Variants in SLC25A26 observed in about 807,000 individuals in gnomAD.
SLC25A26 encodes solute carrier family 25 member 26.
In SLC25A26, 36 loss-of-function variants were observed where a neutral mutation model predicts 37.8. The observed-to-expected ratio is 0.95, with a 90% confidence interval of 0.73 to 1.26. SLC25A26 has a LOEUF of 1.26. Ranked by LOEUF, SLC25A26 falls within the 50% of genes most tolerant of loss-of-function variation. The pLI is 0.00. For synonymous variants in SLC25A26, 129 were observed against 122.5 expected, an observed-to-expected ratio of 1.05 and a Z score of -0.35; for missense variants, 390 against 331.1, an observed-to-expected ratio of 1.18 and a Z score of -1.38.
At chr3:66,317,822 C>T (rs1446146659) in intron 5 of SLC25A26, among the ~76,000 whole-genome samples, 2 of 152,144 alleles carry the variant, frequency 1.3e-5, no homozygotes, top group East Asian at 1.9e-4. Flanking sequence ...GCTGAAATTC[C>T]CACAGGGAGG....
intron 6 of SLC25A26, among the ~76,000 whole-genome samples, chr3:66,357,849 A>T (rs942867222): frequency 2.0e-5 from 3 of 152,200 alleles, no homozygotes; most frequent in Admixed American, 2.0e-4. Context: ...ACAGACTGCT[A>T]TTTGCAGGAC....
At chr3:66,260,494 A>G (rs1012161732) in intron 3 of SLC25A26, among the ~76,000 whole-genome samples, 15 of 152,228 alleles carry the variant, frequency 9.9e-5, no homozygotes, top group Admixed American at 3.9e-4. Flanking sequence ...AAATAACTTC[A>G]GGTTATGAAT....
chr3:66,282,022 T>TTTTTA (rs2074360399), intron 5 of SLC25A26, among the ~76,000 whole-genome samples: 2 of 127,244 alleles, frequency 1.6e-5, no homozygotes, highest in Admixed American at 7.7e-5. Context: ...TTTTTTTTTT[T>TTTTTA]GAGACGGAGT....
intron 5 of SLC25A26, among the ~76,000 whole-genome samples, chr3:66,312,933 C>G (rs573374005): frequency 6.6e-6 from 1 of 152,122 alleles, no homozygotes; most frequent in South Asian, 2.1e-4. Flanking sequence ...CATATCGGAG[C>G]TGTTCCTATT....
chr3:66,260,811 G>A (rs1348501346), intron 3 of SLC25A26, among the ~76,000 whole-genome samples: 1 of 152,180 alleles, frequency 6.6e-6, no homozygotes, highest in Non-Finnish European at 1.5e-5. Flanking sequence ...AGATGCTTTT[G>A]TGCTAAAACA....
intron 3 of SLC25A26, among the ~76,000 whole-genome samples, chr3:66,243,969 G>A (rs922243798): frequency 2.6e-5 from 4 of 152,100 alleles, no homozygotes. Flanking sequence ...AGAAATAAAT[G>A]TGACTTCCAG....
chr3:66,308,611 C>T (rs140230278), intron 5 of SLC25A26, among the ~76,000 whole-genome samples: 19 of 152,300 alleles, frequency 1.2e-4, no homozygotes, highest in African/African-American at 4.3e-4. Context: ...TAGCTTTTCC[C>T]CATTGAGTAT....
At chr3:66,357,661 T>C (rs2076606862) in intron 6 of SLC25A26, among the ~76,000 whole-genome samples, 1 of 152,100 alleles carries the variant, frequency 6.6e-6, no homozygotes. Flanking sequence ...GCAATGAAAT[T>C]ACTTATTTAG....
chr3:66,194,945 C>G (rs2106799942), intron 1 of SLC25A26, among the ~76,000 whole-genome samples: 1 of 152,286 alleles, frequency 6.6e-6, no homozygotes, highest in Non-Finnish European at 1.5e-5. Context: ...TGTGGTCTAC[C>G]TGGGGTCCCC....
chr3:66,321,288 C>T (rs185853030), intron 5 of SLC25A26, among the ~76,000 whole-genome samples: 9 of 152,238 alleles, frequency 5.9e-5, no homozygotes, highest in African/African-American at 2.2e-4. Flanking sequence ...ACGTTTAAAC[C>T]GTTCTCTGTA....
chr3:66,268,782 C>T (rs574279813), intron 5 of SLC25A26, among the ~76,000 whole-genome samples: 1 of 152,256 alleles, frequency 6.6e-6, no homozygotes, highest in Admixed American at 6.5e-5. Flanking sequence ...TGGGTGGTTT[C>T]CCTCATGCTC....
chr3:66,295,029 C>G (rs2074850482), intron 5 of SLC25A26, among the ~76,000 whole-genome samples: 1 of 152,126 alleles, frequency 6.6e-6, no homozygotes, highest in African/African-American at 2.4e-5. Context: ...TGCTGAATCT[C>G]ATAAAAACTG....
At chr3:66,202,423 A>T (rs1296428358) in intron 1 of SLC25A26, among the ~76,000 whole-genome samples, 2 of 152,042 alleles carry the variant, frequency 1.3e-5, no homozygotes, top group Admixed American at 6.6e-5. Context: ...TGTGGGGCTT[A>T]AAACCTAGAT....
At chr3:66,234,401 T>G (rs2072177676) in intron 1 of SLC25A26, among the ~76,000 whole-genome samples, 1 of 152,204 alleles carries the variant, frequency 6.6e-6, no homozygotes, top group Admixed American at 6.5e-5. Flanking sequence ...AAATCCCACG[T>G]TATTGGATAT....
chr3:66,375,069 C>T (rs1392704647), intron 9 of SLC25A26, among the ~76,000 whole-genome samples: 1 of 152,132 alleles, frequency 6.6e-6, no homozygotes, highest in Non-Finnish European at 1.5e-5. Flanking sequence ...ATAAGTGTAA[C>T]AGCCTCATTG....
rs187612025 is a variant in SLC25A26, at chr3:66,321,123, A to G, written c.454-25241A>G. Among the ~76,000 whole-genome samples the G allele has an allele frequency of 1.5e-3, 225 of 152,300 alleles. 1 individual carries two copies. Among genetic ancestry groups the G allele is most frequent in the African/African-American group, 5.1e-3 (213 of 41,562 alleles). On this transcript the variant is annotated intron_variant, in intron 5 of 9. Coordinates refer to ENST00000354883, the MANE Select transcript of SLC25A26 (RefSeq NM_001379210.1). Reference sequence around the variant, plus strand: ...CAGAGACCCCCACCTCTTTCATCACATAGTGTTACAGTGAAAAGACCAAGA... The same window carrying G: ...CAGAGACCCCCACCTCTTTCATCACGTAGTGTTACAGTGAAAAGACCAAGA...
chr3:66,165,070 C>T (rs912430024), intron 1 of SLC25A26, among the ~76,000 whole-genome samples: 18 of 152,292 alleles, frequency 1.2e-4, no homozygotes, highest in South Asian at 4.1e-4. Context: ...AAAAACATTG[C>T]TACCTCTACC....
At chr3:66,283,030 C>T (rs1429590900) in intron 5 of SLC25A26, among the ~76,000 whole-genome samples, 1 of 152,140 alleles carries the variant, frequency 6.6e-6, no homozygotes, top group South Asian at 2.1e-4. Flanking sequence ...TAGTTTCTTC[C>T]TTTTTATTGC....
At chr3:66,165,566 C>T (rs1289687847) in intron 1 of SLC25A26, among the ~76,000 whole-genome samples, 2 of 151,910 alleles carry the variant, frequency 1.3e-5, no homozygotes, top group Non-Finnish European at 2.9e-5. Flanking sequence ...GGCTAGGATT[C>T]GGGAAGCCTG....
Sources: gnomAD v4.1 joint callset for allele counts (sites outside exome capture counted in the v4.1 genomes callset) on GRCh38, gnomAD v4.1.1 for gene constraint, MANE v1.5 for transcripts, NCBI Gene and HGNC (gene_info 2026-07-23, HGNC 2026-07-21) for gene names.